The following KCNN2 variants were observed in gnomAD, a reference collection of about 807,000 sequenced individuals.
The protein encoded by KCNN2 is small conductance calcium-activated potassium channel protein 2.
A neutral mutation model predicts 55.5 loss-of-function variants in KCNN2; 24 were observed. The observed-to-expected ratio is 0.43, with a 90% CI of 0.31 to 0.61. KCNN2 has a LOEUF of 0.61. KCNN2 is among the 20% of genes least tolerant of loss of function. The pLI is 0.08. For missense variants in KCNN2, 754 were observed against 853.6 expected, an observed-to-expected ratio of 0.88 and a Z score of 1.45; for synonymous variants, 431 against 336.1, an observed-to-expected ratio of 1.28 and a Z score of -3.09.
At chr5:114,211,831 A>T (rs1295908683) in intron 1 of KCNN2, among the ~76,000 whole-genome samples, 2 of 152,018 alleles carry the variant, frequency 1.3e-5, no homozygotes, top group Non-Finnish European at 2.9e-5. Flanking sequence ...AGAAATGTTC[A>T]GACTTTTATT....
chr5:114,481,932 A>G (rs1362330413), intron 5 of KCNN2, among the ~76,000 whole-genome samples: 1 of 152,226 alleles, frequency 6.6e-6, no homozygotes, highest in African/African-American at 2.4e-5. Flanking sequence ...TAAAAACCCT[A>G]GGAGAAAATC....
At chr5:114,424,008 A>C (rs985599712) in intron 3 of KCNN2, among the ~76,000 whole-genome samples, 2 of 152,180 alleles carry the variant, frequency 1.3e-5, no homozygotes, top group Non-Finnish European at 2.9e-5. Context: ...AAATTAAGCT[A>C]AATTGGAACT....
chr5:114,158,786 A>G (rs1752697711), intron 1 of KCNN2, among the ~76,000 whole-genome samples: 1 of 152,024 alleles, frequency 6.6e-6, no homozygotes, highest in African/African-American at 2.4e-5. Context: ...GAGTTCACTC[A>G]TGATTTGGCT....
At chr5:114,447,349 A>G (rs1284529347) in intron 3 of KCNN2, among the ~76,000 whole-genome samples, 5 of 152,178 alleles carry the variant, frequency 3.3e-5, no homozygotes, top group East Asian at 1.9e-4. Flanking sequence ...AGATCCAGCT[A>G]TTGTATTTGG....
At chr5:114,374,441 T>C (rs1757874968) in intron 2 of KCNN2, among the ~76,000 whole-genome samples, 1 of 152,210 alleles carries the variant, frequency 6.6e-6, no homozygotes, top group Admixed American at 6.5e-5. Context: ...CTTTTTTCTT[T>C]TTCTGGACTG....
At chr5:114,287,872 A>T (rs1404080098) in intron 2 of KCNN2, among the ~76,000 whole-genome samples, 2 of 152,042 alleles carry the variant, frequency 1.3e-5, no homozygotes, top group African/African-American at 4.8e-5. Flanking sequence ...GCTGTGTTTT[A>T]TTGTGTTTTA....
intron 2 of KCNN2, among the ~76,000 whole-genome samples, chr5:114,292,949 A>T (rs1255849183): frequency 6.6e-6 from 1 of 152,136 alleles, no homozygotes; most frequent in African/African-American, 2.4e-5. Context: ...TTTTCTTTGA[A>T]GCAATTGTGA....
At chr5:114,223,959 A>G (rs1754193770) in intron 2 of KCNN2, among the ~76,000 whole-genome samples, 1 of 152,214 alleles carries the variant, frequency 6.6e-6, no homozygotes, top group South Asian at 2.1e-4. Flanking sequence ...AACTAGAATC[A>G]GTTGTACTAT....
chr5:114,117,125 A>G (rs1561482674), intron 1 of KCNN2, among the ~76,000 whole-genome samples: 1 of 152,304 alleles, frequency 6.6e-6, no homozygotes, highest in East Asian at 1.9e-4. Context: ...TACTTTTTAC[A>G]TGAGAGATCA....
At chr5:114,423,028 A>G (rs13173796) in intron 3 of KCNN2, among the ~76,000 whole-genome samples, 25,884 of 152,236 alleles carry the variant, frequency 0.17, 2,316 homozygotes, top group Middle Eastern at 0.22. Context: ...AGCTGGCACA[A>G]AGCTGGTGTT....
chr5:114,428,254 A>G (rs1759686335), intron 3 of KCNN2, among the ~76,000 whole-genome samples: 3 of 152,190 alleles, frequency 2.0e-5, no homozygotes, highest in South Asian at 4.1e-4. Flanking sequence ...TTCTCATTAG[A>G]ATAATGAATG....
At chr5:114,106,538 C>G (rs921616557) in intron 1 of KCNN2, among the ~76,000 whole-genome samples, 4 of 145,662 alleles carry the variant, frequency 2.7e-5, no homozygotes, top group African/African-American at 1.0e-4. Context: ...TATTGTTATT[C>G]TTGTTTGTTT....
At chr5:114,440,785 A>G (rs944206486) in intron 3 of KCNN2, among the ~76,000 whole-genome samples, 9 of 151,692 alleles carry the variant, frequency 5.9e-5, no homozygotes, top group Admixed American at 4.6e-4. Flanking sequence ...TATAACATCT[A>G]AGCAAATAGA....
At chr5:114,408,700 G>A (rs1176382496) in intron 3 of KCNN2, among the ~76,000 whole-genome samples, 2 of 152,142 alleles carry the variant, frequency 1.3e-5, no homozygotes, top group East Asian at 3.8e-4. Flanking sequence ...ATCTCCATGG[G>A]TGGTCTCTAG....
At chr5:114,364,435 C>G (rs1447085812) in intron 2 of KCNN2, among the ~76,000 whole-genome samples, 1 of 151,972 alleles carries the variant, frequency 6.6e-6, no homozygotes, top group African/African-American at 2.4e-5. Context: ...GAGAAGAAAA[C>G]TGGGTGATGA....
chr5:114,139,468 A>C (rs55669033), intron 1 of KCNN2, among the ~76,000 whole-genome samples: 68,665 of 142,676 alleles, frequency 0.48, 16,961 homozygotes, highest in Middle Eastern at 0.54. Flanking sequence ...CACCCCCCCC[A>C]CACACACACA....
chr5:114,370,209 C>T (rs910694263), intron 2 of KCNN2, among the ~76,000 whole-genome samples: 2 of 152,226 alleles, frequency 1.3e-5, no homozygotes, highest in East Asian at 3.9e-4. Context: ...AAAAGTGAGT[C>T]ACCCAGTTCC....
upstream of KCNN2, among the ~76,000 whole-genome samples, chr5:114,361,577 T>C (rs1757422898): frequency 6.6e-6 from 1 of 152,158 alleles, no homozygotes; most frequent in South Asian, 2.1e-4. Context: ...ACGAGGGGGC[T>C]GCTGTTTTGC....
intron 2 of KCNN2, among the ~76,000 whole-genome samples, chr5:114,400,807 G>T (rs889263941): frequency 6.6e-6 from 1 of 152,096 alleles, no homozygotes; most frequent in Non-Finnish European, 1.5e-5. Flanking sequence ...TCTTAATCCA[G>T]ATCTTGCATC....
Sources: gnomAD v4.1 joint callset for allele counts (sites outside exome capture counted in the v4.1 genomes callset) on GRCh38, gnomAD v4.1.1 for gene constraint, MANE v1.5 for transcripts, NCBI Gene and HGNC (gene_info 2026-07-23, HGNC 2026-07-21) for gene names.